The following PPFIA1 variants were observed in gnomAD, a reference collection of about 807,000 sequenced individuals.
PPFIA1 encodes liprin-alpha-1.
Under a neutral mutation model 149.9 loss-of-function variants are expected in PPFIA1, and 25 were observed. The ratio of observed to expected loss-of-function variants is 0.17; its 90% CI spans 0.12 to 0.23. The LOEUF (loss-of-function observed/expected upper bound fraction) is 0.23, where lower values mean the gene tolerates loss of function less well. Ranked by LOEUF, PPFIA1 falls within the 10% of genes least tolerant of loss-of-function variation. PPFIA1 has a pLI of 1.00. For synonymous variants in PPFIA1, 549 were observed against 552.8 expected (o/e 0.99, Z 0.10); for missense variants, 1,362 against 1,506.5 (o/e 0.90, Z 1.59).
Position 70,330,155 on chromosome 11 carries a change from C to G in PPFIA1, c.931-18C>G, listed in dbSNP as rs750461085. 6 of 1,568,430 alleles carry G rather than the reference C, an allele frequency of 3.8e-6. No individual in the cohort carries two copies. The African/African-American group carries it at 8.3e-5, about 22-fold the overall frequency. On this transcript the variant is annotated intron_variant, in intron 7 of 27. Transcript: ENST00000253925. ...TTAATTACCTACTTTTTTGTCCCCT[C>G]TGAAATACCTAATTTAGGCCATGGC...
intron 2 of PPFIA1, among the ~76,000 whole-genome samples, chr11:70,296,002 C>CG (rs1308012250): frequency 6.6e-6 from 1 of 150,608 alleles, no homozygotes; most frequent in Non-Finnish European, 1.5e-5. Flanking sequence ...ACCTCCCAGA[C>CG]GGGGTCGCGA....
At chr11:70,272,717 G>C (rs182707176) in intron 2 of PPFIA1, among the ~76,000 whole-genome samples, 2 of 152,156 alleles carry the variant, frequency 1.3e-5, no homozygotes, top group Non-Finnish European at 2.9e-5. Flanking sequence ...TTGAAAAAGG[G>C]CTCTGAAGCA....
intron 2 of PPFIA1, 51 bp downstream of exon 2, chr11:70,272,487 T>C (rs2050150550): frequency 2.0e-6 from 3 of 1,513,084 alleles, no homozygotes; most frequent in Non-Finnish European, 2.7e-6. Context: ...CTAAATGTTT[T>C]TTTATTAGTG....
chr11:70,338,201 TTA>T (rs2055097194), intron 12 of PPFIA1, among the ~76,000 whole-genome samples, 171 bp from the exon 13 acceptor site: 1 of 152,232 alleles, frequency 6.6e-6, no homozygotes, highest in Non-Finnish European at 1.5e-5. Flanking sequence ...GTCTGAGTGT[TTA>T]TGTTTATTGC....
In PPFIA1 at chr11:70,332,032, A is replaced by G; in HGVS notation, c.1150A>G (p.Lys384Glu). 1 of 1,613,404 alleles carries G rather than the reference A, an allele frequency of 6.2e-7. No homozygotes were observed. The highest frequency in any genetic ancestry group is 8.5e-7 in the Non-Finnish European group (1 of 1,179,698). ...AEQKLQQTLR[K>E]AETLPEVEAE... The stretch of plus-strand genomic sequence containing the variant: ...GCAAAAGCTGCAACAGACACTGAGG[A>G]AGGCAGAGACGCTCCCGGAGGTGGA... The change falls in exon 9 of 28, where the codon AAG becomes GAG. Residue 384 changes from lysine (K) to glutamate (E), a missense_variant. By Grantham distance (56) the Lys-to-Glu change is moderately conservative (BLOSUM62 1). Around this residue, in one of 7 missense-constraint regions of PPFIA1, gnomAD observed 733 missense variants for 744.1 expected, o/e 0.99. Transcript: ENST00000253925.
chr11:70,324,268 C>T (rs1480811322), intron 2 of PPFIA1, 134 bp from the exon 3 acceptor site: 9 of 596,234 alleles, frequency 1.5e-5, no homozygotes, highest in African/African-American at 3.8e-5. Context: ...CCCTCTTTCT[C>T]TGGAGGATCA....
At position 70,325,540 on chromosome 11, in the gene PPFIA1, T is replaced by G. The variant is rs1249103931; in HGVS notation, c.572T>G (p.Leu191Trp). ...CGAGTAGCACTTGAAAGATGTAGTT[T>G]GTTAGAAGAGGAATTAGGTGCCACA... ...RLRVALERCS[L>W]LEEELGATHK... Residue 191 changes from leucine to tryptophan, a missense_variant, in exon 5 of 28, where the codon TTG (leucine) becomes TGG (tryptophan). Transcript: ENST00000253925. 1 of 1,595,122 alleles carries G rather than the reference T, an allele frequency of 6.3e-7. No homozygotes were observed. The highest frequency in any genetic ancestry group is 8.6e-7 in the Non-Finnish European group (1 of 1,163,014).
At chr11:70,287,915 G>A (rs1206190152) in intron 2 of PPFIA1, among the ~76,000 whole-genome samples, 1 of 151,946 alleles carries the variant, frequency 6.6e-6, no homozygotes, top group Non-Finnish European at 1.5e-5. Flanking sequence ...CAGAGTGCTG[G>A]GATTACATAA....
intron 25 of PPFIA1, among the ~76,000 whole-genome samples, chr11:70,376,991 T>G (rs565839327): frequency 8.6e-5 from 13 of 151,996 alleles, no homozygotes; most frequent in Admixed American, 4.6e-4. Context: ...GAGAATCGCT[T>G]AAACCTGGGA....
intron 2 of PPFIA1, among the ~76,000 whole-genome samples, chr11:70,299,728 C>G (rs561537600): frequency 3.3e-5 from 5 of 152,246 alleles, no homozygotes; most frequent in African/African-American, 1.2e-4. Flanking sequence ...TGCTCCCCTG[C>G]TGCCACTCAG....
At chr11:70,342,936 CTTTTTTTTTTT>C (rs71463672) in intron 14 of PPFIA1, among the ~76,000 whole-genome samples, 10 of 78,176 alleles carry the variant, frequency 1.3e-4, no homozygotes, top group Admixed American at 4.3e-4. Flanking sequence ...AATGTACCAC[CTTTTTTTTTTT>C]TTTTTTTTTT....
intron 2 of PPFIA1, among the ~76,000 whole-genome samples, chr11:70,272,993 T>C (rs2050180549): frequency 6.6e-6 from 1 of 152,232 alleles, no homozygotes; most frequent in Non-Finnish European, 1.5e-5. Flanking sequence ...ATTTTAAAGC[T>C]TAGGCCGGGT....
Position 70,383,493 on chromosome 11 carries a change from A to G in PPFIA1, c.*503A>G, listed in dbSNP as rs916490223. The G allele has an allele frequency of 1.3e-5, 2 of 158,350 alleles. No homozygotes were observed. The highest frequency in any genetic ancestry group is 2.4e-5 in the African/African-American group (1 of 41,510). The allele number at this position is 158,350 out of a possible 1,614,324, so 9.8% of individuals were successfully genotyped here. A position where few individuals can be genotyped will look rare whatever the true frequency, so the allele number is the denominator to read the frequency against. ...ACGGACGCAGCCTAGCTCTACAGCA[A>G]TCATCCTGAAATAAGCATACCTAAT... On this transcript the variant is annotated 3_prime_UTR_variant, in exon 28 of 28. Coordinates refer to ENST00000253925, the MANE Select transcript of PPFIA1 (RefSeq NM_003626.5).
intron 16 of PPFIA1, among the ~76,000 whole-genome samples, chr11:70,352,643 A>C (rs2056121404): frequency 6.6e-6 from 1 of 151,718 alleles, no homozygotes; most frequent in Admixed American, 6.6e-5. Context: ...GTAGACCAAG[A>C]GGACTTCCCT....
intron 2 of PPFIA1, among the ~76,000 whole-genome samples, chr11:70,302,782 T>C (rs554204164): frequency 1.3e-5 from 2 of 151,914 alleles, no homozygotes; most frequent in East Asian, 3.9e-4. Context: ...TTTTTTTTTT[T>C]TTTTTTTAAA....
At chr11:70,285,750 T>TCATATA (rs2136142087) in intron 2 of PPFIA1, among the ~76,000 whole-genome samples, 1 of 152,096 alleles carries the variant, frequency 6.6e-6, no homozygotes, top group Admixed American at 6.5e-5. Flanking sequence ...TTTTTAATTA[T>TCATATA]CATATACATA....
Position 70,272,456 on chromosome 11 carries a change from G to T in PPFIA1, c.264+20G>T, listed in dbSNP as rs555190383. 32 of 1,564,174 alleles carry T rather than the reference G, an allele frequency of 2.0e-5. No homozygotes were observed. In the East Asian group the frequency reaches 6.1e-4, roughly 30 times the overall value. On this transcript the variant is annotated intron_variant, in intron 2 of 27. Transcript: ENST00000253925. ...CCACAGGTATGAGTGCTTTTAACCT[G>T]AAACTATAGATTTTTCTCCACTAAA...
intron 5 of PPFIA1, 27 bp from the exon 6 acceptor site, chr11:70,326,235 C>T: frequency 7.6e-7 from 1 of 1,314,632 alleles, no homozygotes; most frequent in Non-Finnish European, 1.1e-6. Flanking sequence ...AGGTATTTTA[C>T]ACTCATATTC....
At chr11:70,291,891 G>A (rs1245059113) in intron 2 of PPFIA1, among the ~76,000 whole-genome samples, 3 of 146,844 alleles carry the variant, frequency 2.0e-5, no homozygotes, top group African/African-American at 7.5e-5. Flanking sequence ...AGGCTGGAGT[G>A]TAGTGGTGCG....
Sources: allele counts gnomAD v4.1 joint callset (sites outside exome capture counted in the v4.1 genomes callset), GRCh38; gene constraint gnomAD v4.1.1; regional missense constraint gnomAD v4.1.1; transcripts MANE v1.5; gene names NCBI Gene and HGNC (gene_info 2026-07-23, HGNC 2026-07-21).